Variants in HS3ST2 observed in about 807,000 individuals in gnomAD.
The protein encoded by HS3ST2 is heparan sulfate-glucosamine 3-sulfotransferase 2.
HS3ST2 carries 17 observed loss-of-function variants against 26.3 expected under a neutral mutation model. The ratio of observed to expected loss-of-function variants is 0.65; its 90% CI spans 0.44 to 0.97. The LOEUF (loss-of-function observed/expected upper bound fraction) is 0.97, where lower values mean the gene tolerates loss of function less well. Among genes scored for constraint, HS3ST2 ranks in the 50% least tolerant of loss-of-function variants. The pLI, the probability that HS3ST2 is intolerant of heterozygous loss-of-function variation, is 0.00. For missense variants in HS3ST2, 402 were observed against 501.2 expected (o/e 0.80, Z 1.89); for synonymous variants, 237 against 219.2 (o/e 1.08, Z -0.72).
intron 1 of HS3ST2, among the ~76,000 whole-genome samples, chr16:22,869,476 A>G (rs1901801946): frequency 6.6e-6 from 1 of 152,196 alleles, no homozygotes; most frequent in Non-Finnish European, 1.5e-5. Flanking sequence ...CATTCCCAAG[A>G]CTGGGTAATT....
chr16:22,876,684 G>A (rs1234255663), intron 1 of HS3ST2, among the ~76,000 whole-genome samples: 1 of 152,180 alleles, frequency 6.6e-6, no homozygotes, highest in Non-Finnish European at 1.5e-5. Context: ...GCACATGCAT[G>A]TTGATAGCAG....
chr16:22,857,381 T>C (rs1373387116), intron 1 of HS3ST2, among the ~76,000 whole-genome samples: 2 of 152,230 alleles, frequency 1.3e-5, no homozygotes, highest in East Asian at 3.8e-4. Flanking sequence ...CACCTCTTTG[T>C]GATTTTCACT....
intron 1 of HS3ST2, among the ~76,000 whole-genome samples, chr16:22,860,467 C>T (rs537010030): frequency 4.6e-5 from 7 of 152,250 alleles, no homozygotes; most frequent in South Asian, 2.1e-4. Context: ...CATATCACCC[C>T]GCATACACAT....
intron 1 of HS3ST2, among the ~76,000 whole-genome samples, chr16:22,829,638 C>T (rs1285639813): frequency 6.6e-6 from 1 of 152,128 alleles, no homozygotes; most frequent in African/African-American, 2.4e-5. Context: ...CCTCTTATGA[C>T]TCTGGGAAGG....
chr16:22,820,596 A>G (rs1900977791), intron 1 of HS3ST2, among the ~76,000 whole-genome samples: 1 of 152,256 alleles, frequency 6.6e-6, no homozygotes, highest in African/African-American at 2.4e-5. Flanking sequence ...AAGCCATCAG[A>G]TTTCGTGAGA....
intron 1 of HS3ST2, among the ~76,000 whole-genome samples, chr16:22,859,800 T>C (rs1193910166): frequency 6.6e-6 from 1 of 152,164 alleles, no homozygotes; most frequent in African/African-American, 2.4e-5. Flanking sequence ...AACAAATGCC[T>C]ATTTCTGAGG....
At position 22,894,163 on chromosome 16, in the gene HS3ST2, G is replaced by C. The variant is rs965131965; in HGVS notation, c.486-20781G>C. On this transcript the variant is annotated intron_variant, in intron 1 of 1. Transcript: ENST00000261374. ...CATTGTGCTCTGGTAGATTGGACTC[G>C]ACACTTTGACTGGTCAGTTTCTCTT... Among the ~76,000 whole-genome samples the C allele has an allele frequency of 2.0e-5, 3 of 152,058 alleles. No individual in the cohort carries two copies. The East Asian group carries it at 5.8e-4, about 29-fold the overall frequency.
intron 1 of HS3ST2, among the ~76,000 whole-genome samples, chr16:22,859,037 A>T (rs1468154460): frequency 6.6e-6 from 1 of 152,116 alleles, no homozygotes; most frequent in East Asian, 1.9e-4. Context: ...GTGGTGGTGT[A>T]TGCCTGTAGT....
chr16:22,885,617 G>T (rs774078971), intron 1 of HS3ST2, among the ~76,000 whole-genome samples: 1 of 151,792 alleles, frequency 6.6e-6, no homozygotes, highest in East Asian at 1.9e-4. Context: ...CACCACGCCC[G>T]GGTAATTTTT....
At chr16:22,830,155 T>C (rs1407562355) in intron 1 of HS3ST2, among the ~76,000 whole-genome samples, 1 of 150,090 alleles carries the variant, frequency 6.7e-6, no homozygotes, top group African/African-American at 2.4e-5. Flanking sequence ...TCACTGCTTC[T>C]CTGTAGGATA....
At chr16:22,829,018 G>A (rs777614511) in intron 1 of HS3ST2, among the ~76,000 whole-genome samples, 1 of 152,148 alleles carries the variant, frequency 6.6e-6, no homozygotes, top group Admixed American at 6.5e-5. Context: ...CCACTTACAG[G>A]TTTTCAAATT....
At chr16:22,827,685 T>C (rs1344185522) in intron 1 of HS3ST2, among the ~76,000 whole-genome samples, 2 of 151,140 alleles carry the variant, frequency 1.3e-5, no homozygotes, top group Admixed American at 6.6e-5. Context: ...AGGTTGATGA[T>C]GTGATAGTAT....
At chr16:22,819,748 G>C (rs1431082376) in intron 1 of HS3ST2, among the ~76,000 whole-genome samples, 1 of 152,198 alleles carries the variant, frequency 6.6e-6, no homozygotes, top group African/African-American at 2.4e-5. Flanking sequence ...AAAGAAGACA[G>C]AATATTTGCC....
Position 22,915,139 on chromosome 16 carries a change from C to T in HS3ST2, c.681C>T (p.Thr227=), listed in dbSNP as rs764361479. Residue 227 remains threonine (T), a synonymous_variant, in exon 2 of 2, where the codon ACC becomes ACT. Coordinates refer to ENST00000261374, the MANE Select transcript of HS3ST2 (RefSeq NM_006043.2). The part of the protein sequence containing the change: ...QTLSKKPDIP[T]FEGLSFRNRT... ...TCTCCAAGAAGCCCGACATCCCGAC[C>T]TTTGAGGGCCTCTCCTTCCGCAACC... The T allele has an allele frequency of 2.5e-6, 4 of 1,614,138 alleles. No homozygotes were observed. The highest frequency in any genetic ancestry group is 2.5e-6 in the Non-Finnish European group (3 of 1,180,006).
At chr16:22,869,035 A>T (rs1008218308) in intron 1 of HS3ST2, among the ~76,000 whole-genome samples, 1 of 151,652 alleles carries the variant, frequency 6.6e-6, no homozygotes, top group African/African-American at 2.4e-5. Context: ...CAGCAGTGGG[A>T]CCTACAATGA....
chr16:22,879,326 C>CT (rs1458746794), intron 1 of HS3ST2, among the ~76,000 whole-genome samples: 4 of 152,208 alleles, frequency 2.6e-5, no homozygotes, highest in Admixed American at 6.5e-5. Context: ...TTTCTAACAG[C>CT]TAAGGCCCCG....
At chr16:22,832,151 C>CTTTTCTTTTTTT (rs1337530497) in intron 1 of HS3ST2, among the ~76,000 whole-genome samples, 1 of 115,474 alleles carries the variant, frequency 8.7e-6, no homozygotes, top group African/African-American at 3.2e-5. Context: ...CCCAGCTGAT[C>CTTTTCTTTTTTT]TTTTTTTTTT....
chr16:22,837,774 A>G (rs974299396), intron 1 of HS3ST2, among the ~76,000 whole-genome samples: 2 of 152,016 alleles, frequency 1.3e-5, no homozygotes, highest in East Asian at 3.9e-4. Flanking sequence ...AATTATAACT[A>G]TACTATAATA....
In HS3ST2 at chr16:22,915,682, G is replaced by T. The variant is rs1253067199; in HGVS notation, c.*120G>T. On this transcript the variant is annotated 3_prime_UTR_variant, in exon 2 of 2. Coordinates refer to ENST00000261374, the MANE Select transcript of HS3ST2 (RefSeq NM_006043.2). ...GCTCCAGCCCCCTTTCCCAACTTGA[G>T]TTGCATCATCTTGGAACCAGGAAGC... The T allele has an allele frequency of 8.9e-7, 1 of 1,125,474 alleles. No homozygotes were observed. Among genetic ancestry groups the T allele is most frequent in the Admixed American group, 2.5e-5 (1 of 39,952 alleles). 69.7% of individuals were successfully genotyped at this position (1,125,474 alleles called of 1,614,324 possible). A position where few individuals can be genotyped will look rare whatever the true frequency, so the allele number is the denominator to read the frequency against.
Sources: gnomAD v4.1 joint callset for allele counts (sites outside exome capture counted in the v4.1 genomes callset) on GRCh38, gnomAD v4.1.1 for gene constraint, MANE v1.5 for transcripts, NCBI Gene and HGNC (gene_info 2026-07-23, HGNC 2026-07-21) for gene names.